Variants in ACVR1B observed in about 807,000 individuals in gnomAD.
ACVR1B encodes the protein activin receptor type-1B.
A neutral mutation model predicts 55.6 loss-of-function variants in ACVR1B; 15 were observed. That is an observed-to-expected ratio of 0.27 (90% CI 0.18 to 0.42). The LOEUF is 0.42. Ranked by LOEUF, ACVR1B falls within the 10% of genes least tolerant of loss-of-function variation. The probability of loss-of-function intolerance (pLI) is 1.00; values close to 1 mark genes in which losing one functional copy is unlikely to be tolerated. For missense variants in ACVR1B, 359 were observed against 670.1 expected, an observed-to-expected ratio of 0.54 and a Z score of 5.13; for synonymous variants, 247 against 254.6, an observed-to-expected ratio of 0.97 and a Z score of 0.28.
intron 5 of ACVR1B, among the ~76,000 whole-genome samples, 171 bp downstream of exon 5, chr12:51,984,337 C>T (rs1942038999): frequency 6.6e-6 from 1 of 152,206 alleles, no homozygotes; most frequent in Non-Finnish European, 1.5e-5. Context: ...GAGGTATCTA[C>T]AGGGTGTTCC....
At chr12:51,990,119 C>A (rs1292941418) in intron 7 of ACVR1B, among the ~76,000 whole-genome samples, 1 of 151,562 alleles carries the variant, frequency 6.6e-6, no homozygotes, top group Non-Finnish European at 1.5e-5. Context: ...CATGGTGAAA[C>A]CCCGAATCTA....
rs373311307 is a variant in ACVR1B, at chr12:51,962,386, A to G, written c.91+10552A>G. Reference sequence around the variant, plus strand: ...GTTGTTGTTGTTGTTGTTTTTCTGTATACCACCATTGGCACCTGTAAAATT... The same window carrying G: ...GTTGTTGTTGTTGTTGTTTTTCTGTGTACCACCATTGGCACCTGTAAAATT... On this transcript the variant is annotated intron_variant, in intron 1 of 8. Coordinates refer to ENST00000257963, the MANE Select transcript of ACVR1B (RefSeq NM_004302.5). 8.6e-5 allele frequency among the ~76,000 whole-genome samples: 13 copies of G among 151,710 alleles called. No homozygotes were observed. The South Asian group carries it at 1.5e-3, about 17-fold the overall frequency.
chr12:51,968,665 CAGTTTCT>C (rs1941688605), intron 1 of ACVR1B, among the ~76,000 whole-genome samples: 1 of 152,164 alleles, frequency 6.6e-6, no homozygotes, highest in Non-Finnish European at 1.5e-5. Context: ...TAGAAGGATA[CAGTTTCT>C]GCCAGGTTCG....
intron 1 of ACVR1B, among the ~76,000 whole-genome samples, chr12:51,964,943 C>G (rs1314800093): frequency 2.6e-5 from 4 of 151,208 alleles, no homozygotes; most frequent in African/African-American, 9.7e-5. Flanking sequence ...TATTCAGGGT[C>G]ACTTGCAATT....
At chr12:51,961,386 C>G (rs1441268250) in intron 1 of ACVR1B, among the ~76,000 whole-genome samples, 1 of 152,086 alleles carries the variant, frequency 6.6e-6, no homozygotes, top group African/African-American at 2.4e-5. Flanking sequence ...TTATTATAAT[C>G]TTGTATATAT....
chr12:51,957,310 G>A (rs1220320210), intron 1 of ACVR1B, among the ~76,000 whole-genome samples: 1 of 151,954 alleles, frequency 6.6e-6, no homozygotes, highest in Non-Finnish European at 1.5e-5. Context: ...GCCAGGTGTG[G>A]TGGTGTGCCT....
chr12:51,993,182 C>T (rs1179877660), intron 8 of ACVR1B, among the ~76,000 whole-genome samples: 4 of 152,134 alleles, frequency 2.6e-5, no homozygotes, highest in African/African-American at 7.2e-5. Context: ...TTCAGGTGTA[C>T]AGTATTGTTG....
In ACVR1B at chr12:51,976,440, A is replaced by G; in HGVS notation, c.445A>G (p.Ile149Val). 1.2e-6 allele frequency: 2 copies of G among 1,614,048 alleles called. No individual in the cohort carries two copies. Among genetic ancestry groups the G allele is most frequent in the Non-Finnish European group, 8.5e-7 (1 of 1,180,004 alleles). The change falls in exon 3 of 9, where the codon ATT becomes GTT. Residue 149 changes from isoleucine to valine, a missense_variant. Coordinates refer to ENST00000257963, the MANE Select transcript of ACVR1B (RefSeq NM_004302.5). Reference protein sequence around the residue: ...FLIIIIVFLVINYHQRVYHNR... With the variant: ...FLIIIIVFLVVNYHQRVYHNR... ...CATCATCATCATTGTTTTCCTTGTC[A>G]TTAACTATCATCAGCGTGTCTATCA...
At chr12:51,987,454 A>T (rs1008702066) in intron 7 of ACVR1B, 19 of 335,152 alleles carry the variant, frequency 5.7e-5, no homozygotes, top group African/African-American at 3.2e-4. Flanking sequence ...CTGCTTATTC[A>T]TGACAGAATC....
chr12:51,967,226 C>G (rs1175569232), intron 1 of ACVR1B, among the ~76,000 whole-genome samples: 2 of 144,930 alleles, frequency 1.4e-5, no homozygotes, highest in African/African-American at 5.2e-5. Flanking sequence ...GGCGACAGCG[C>G]GAGACTCCGT....
intron 8 of ACVR1B, among the ~76,000 whole-genome samples, chr12:51,992,786 T>C (rs925289987): frequency 2.6e-5 from 4 of 152,046 alleles, no homozygotes; most frequent in Non-Finnish European, 5.9e-5. Context: ...GAATGTGAAT[T>C]TGGGAGAGAC....
At chr12:51,989,605 A>G (rs1218103782) in intron 7 of ACVR1B, among the ~76,000 whole-genome samples, 3 of 152,158 alleles carry the variant, frequency 2.0e-5, no homozygotes, top group Non-Finnish European at 4.4e-5. Flanking sequence ...TTTTAAAACT[A>G]TCTTTTTATT....
In ACVR1B at chr12:51,963,281, G is replaced by A. The variant is rs181966361; in HGVS notation, c.91+11447G>A. ...TTTTTTTGAGACAAAGTCTTGCTCC[G>A]TCACCCAGGCTGGAGTGCCATAGCA... On this transcript the variant is annotated intron_variant, in intron 1 of 8. Transcript: ENST00000257963. 1.1e-4 allele frequency among the ~76,000 whole-genome samples: 16 copies of A among 150,902 alleles called. No homozygotes were observed. The East Asian group carries it at 1.4e-3, about 13-fold the overall frequency.
intron 2 of ACVR1B, 34 bp from the exon 3 acceptor site, chr12:51,976,293 T>A (rs762394140): frequency 6.2e-7 from 1 of 1,612,086 alleles, no homozygotes; most frequent in South Asian, 1.1e-5. Context: ...TTTTTACTTC[T>A]CATTCTTTCC....
chr12:51,958,515 G>T (rs1941453995), intron 1 of ACVR1B, among the ~76,000 whole-genome samples: 1 of 152,064 alleles, frequency 6.6e-6, no homozygotes, highest in Non-Finnish European at 1.5e-5. Flanking sequence ...GGTAGTGGCA[G>T]CGCATGCCTG....
At chr12:51,985,992 A>G (rs1333920228) in intron 6 of ACVR1B, among the ~76,000 whole-genome samples, 1 of 152,178 alleles carries the variant, frequency 6.6e-6, no homozygotes, top group Non-Finnish European at 1.5e-5. Flanking sequence ...GGCTGGAATC[A>G]TAGTAATTAC....
At chr12:51,974,182 G>A (rs1240265560) in intron 1 of ACVR1B, among the ~76,000 whole-genome samples, 1 of 152,152 alleles carries the variant, frequency 6.6e-6, no homozygotes, top group Non-Finnish European at 1.5e-5. Context: ...CCGCCAATGT[G>A]TGAGTGCTTC....
chr12:51,959,339 C>T (rs1027574504), intron 1 of ACVR1B, among the ~76,000 whole-genome samples: 2 of 152,216 alleles, frequency 1.3e-5, no homozygotes, highest in Non-Finnish European at 2.9e-5. Context: ...AGCAAGCAGA[C>T]GTCCATGTTG....
chr12:51,952,409 A>G (rs569714367), intron 1 of ACVR1B, among the ~76,000 whole-genome samples: 6 of 151,976 alleles, frequency 3.9e-5, no homozygotes, highest in African/African-American at 1.2e-4. Flanking sequence ...TGCCTCCCTA[A>G]TGTTCTGGGA....
Sources: allele counts gnomAD v4.1 joint callset (sites outside exome capture counted in the v4.1 genomes callset), GRCh38; gene constraint gnomAD v4.1.1; transcripts MANE v1.5; gene names NCBI Gene and HGNC (gene_info 2026-07-23, HGNC 2026-07-21).